The following E2F1 variants were observed in gnomAD, a reference collection of about 807,000 sequenced individuals.
E2F1 encodes the protein transcription factor E2F1.
In E2F1, 7 loss-of-function variants were observed where a neutral mutation model predicts 36.9. That is an observed-to-expected ratio of 0.19 (90% CI 0.11 to 0.36). E2F1 has a LOEUF of 0.36. Ranked by LOEUF, E2F1 falls within the 10% of genes least tolerant of loss-of-function variation. E2F1 has a pLI of 1.00. For synonymous variants in E2F1, 261 were observed against 263.1 expected, an observed-to-expected ratio of 0.99 and a Z score of 0.08; for missense variants, 406 against 573.6, an observed-to-expected ratio of 0.71 and a Z score of 2.99.
At chr20:33,681,278 A>G (rs920815029) in intron 1 of E2F1, among the ~76,000 whole-genome samples, 2 of 152,094 alleles carry the variant, frequency 1.3e-5, no homozygotes, top group Non-Finnish European at 2.9e-5. Flanking sequence ...GGCTCAAGCA[A>G]TTCTCCCATC....
In E2F1 at chr20:33,686,176, G is replaced by T; in HGVS notation, c.89C>A (p.Ser30Tyr). 1 of 1,052,066 alleles carries T rather than the reference G, an allele frequency of 9.5e-7. No individual in the cohort carries two copies. The highest frequency in any genetic ancestry group is 1.1e-6 in the Non-Finnish European group (1 of 874,286). The allele number at this position is 1,052,066 out of a possible 1,614,324, so 65.2% of individuals were successfully genotyped here. A position where few individuals can be genotyped will look rare whatever the true frequency, so the allele number is the denominator to read the frequency against. ...LGAGALRLLDSSQIVIISAAQ... is the reference protein window; with the variant it reads ...LGAGALRLLDYSQIVIISAAQ... ...GGCGGAGATGATGACGATCTGCGAG[G>T]AGTCGAGCAGCCGCAGCGCGCCGGC... Residue 30 changes from serine (S) to tyrosine (Y), a missense_variant, in exon 1 of 7, where the codon TCC becomes TAC. Physicochemically the swap from Ser to Tyr is moderately radical, Grantham distance 144 (BLOSUM62 -2). Transcript: ENST00000343380.
intron 1 of E2F1, among the ~76,000 whole-genome samples, chr20:33,684,051 G>A (rs1354954849): frequency 6.6e-6 from 1 of 152,206 alleles, no homozygotes; most frequent in African/African-American, 2.4e-5. Context: ...TGGCCCTTAA[G>A]TACACTGGGG....
chr20:33,677,059 C>T lies in E2F1; in HGVS notation c.1066+46G>A, dbSNP rs747336438. On this transcript the variant is annotated intron_variant, in intron 6 of 6. Transcript: ENST00000343380. ...GGGGCTGTCGTGCCTGCCCACCCCC[C>T]AGAAGAGGGGCCCTGCCCCACCCCA... 9 of 1,578,894 alleles carry T rather than the reference C, an allele frequency of 5.7e-6. No individual in the cohort carries two copies. The South Asian group carries it at 5.9e-5, about 10-fold the overall frequency.
rs750490421 is a variant in E2F1 at position 33,676,066 on chromosome 20, A to C, written c.*666T>G. The C allele has an allele frequency of 6.6e-6, 1 of 152,404 alleles. No individual in the cohort carries two copies. Among genetic ancestry groups the C allele is most frequent in the Non-Finnish European group, 1.5e-5 (1 of 68,140 alleles). The allele number at this position is 152,404 out of a possible 1,614,324, so 9.4% of individuals were successfully genotyped here. A position where few individuals can be genotyped will look rare whatever the true frequency, so the allele number is the denominator to read the frequency against. ...TATGGGGCAGAAGAACAGCTCAGGG[A>C]CCCCTGCCCTTGCTCAAGGGTAGAG... On this transcript the variant is annotated 3_prime_UTR_variant, in exon 7 of 7. Coordinates refer to ENST00000343380, the MANE Select transcript of E2F1 (RefSeq NM_005225.3).
Position 33,676,531 on chromosome 20 carries a change from CCACA to C in E2F1, c.*197_*200del. ...GGTGTAGGCTGCATGCACATACACA[CCACA>C]CAGACTCCTTCCCTTCCTGGCTTGC... is the stretch of plus-strand genomic sequence containing the variant. On this transcript the variant is annotated 3_prime_UTR_variant, in exon 7 of 7. Coordinates refer to ENST00000343380, the MANE Select transcript of E2F1 (RefSeq NM_005225.3). 1 of 701,044 alleles carries C rather than the reference CCACA, an allele frequency of 1.4e-6. No individual in the cohort carries two copies. 43.4% of individuals were successfully genotyped at this position (701,044 alleles called of 1,614,324 possible).
chr20:33,677,552 C>G lies in E2F1; in HGVS notation c.726-12G>C. On this transcript the variant is annotated splice_polypyrimidine_tract_variant and intron_variant, in intron 4 of 6. Coordinates refer to ENST00000343380, the MANE Select transcript of E2F1 (RefSeq NM_005225.3). ...TCACGTAGGCCAGGGTTGGCAGAGT[C>G]AAGGACCACATGACCTTTGACTTCT... is the stretch of plus-strand genomic sequence containing the variant. 2 of 1,608,486 alleles carry G rather than the reference C, an allele frequency of 1.2e-6. No homozygotes were observed. The highest frequency in any genetic ancestry group is 2.2e-5 in the East Asian group (1 of 44,866).
In E2F1 at chr20:33,679,985, G is replaced by C; in HGVS notation, c.353-11C>G. 1 of 1,606,566 alleles carries C rather than the reference G, an allele frequency of 6.2e-7. No homozygotes were observed. On this transcript the variant is annotated splice_polypyrimidine_tract_variant and intron_variant, in intron 2 of 6. Coordinates refer to ENST00000343380, the MANE Select transcript of E2F1 (RefSeq NM_005225.3). This position sits in a 1 kb window ranked among gnomAD's most constrained non-coding sequence, Gnocchi z 4.6. ...CCGGGGATTTCACACCTGTGGGGGT[G>C]TGGTCAGGCAAGACAGGGCCCTTCA...
intron 3 of E2F1, among the ~76,000 whole-genome samples, chr20:33,678,636 T>C (rs534602259): frequency 6.6e-6 from 1 of 152,058 alleles, no homozygotes; most frequent in South Asian, 2.1e-4. Context: ...CACACATGCA[T>C]TTCCAAGACA....
At chr20:33,685,538 C>T (rs1175297070) in intron 1 of E2F1, among the ~76,000 whole-genome samples, 1 of 152,176 alleles carries the variant, frequency 6.6e-6, no homozygotes, top group Non-Finnish European at 1.5e-5. Context: ...GCCAGCAGGC[C>T]TCAGTTCAAA....
Position 33,679,415 on chromosome 20 carries a change from G to T in E2F1, c.572+340C>A, listed in dbSNP as rs2017998473. On this transcript the variant is annotated intron_variant, in intron 3 of 6. Coordinates refer to ENST00000343380, the MANE Select transcript of E2F1 (RefSeq NM_005225.3). The surrounding 1 kb of genome is among the most constrained non-coding windows in gnomAD (Gnocchi z 4.6). ...AAAAAGTAGCTGGGCATGGTGGCAGGCGCCTGTATCCCCAGCTATTCAGGA... is the reference window on the plus strand; with the variant it reads ...AAAAAGTAGCTGGGCATGGTGGCAGTCGCCTGTATCCCCAGCTATTCAGGA... Among the ~76,000 whole-genome samples the T allele has an allele frequency of 6.6e-6, 1 of 152,160 alleles. No homozygotes were observed. Among genetic ancestry groups the T allele is most frequent in the Admixed American group, 6.5e-5 (1 of 15,276 alleles).
chr20:33,681,675 A>G (rs1055204901), intron 1 of E2F1, among the ~76,000 whole-genome samples: 2 of 152,056 alleles, frequency 1.3e-5, no homozygotes, highest in Non-Finnish European at 2.9e-5. Flanking sequence ...AACCAGACTG[A>G]TCTTCCCCTC....
At chr20:33,678,473 G>A in intron 3 of E2F1, 120 bp from the exon 4 acceptor site, 1 of 1,310,090 alleles carries the variant, frequency 7.6e-7, no homozygotes, top group Non-Finnish European at 1.0e-6. Context: ...GCAAGCCCTT[G>A]CTTCTGTCTG....
rs897107396 is a variant in E2F1 at position 33,676,759 on chromosome 20, A to G, written c.1287T>C (p.Phe429=). 1 of 1,609,440 alleles carries G rather than the reference A, an allele frequency of 6.2e-7. No individual in the cohort carries two copies. Among genetic ancestry groups the G allele is most frequent in the African/African-American group, 1.3e-5 (1 of 74,830 alleles). ...AGAAATCCAGGGGGGTGAGGTCCCC[A>G]AAGTCACAGTCGAAGAGGTCTCTGA... ...EGIRDLFDCD[F]GDLTPLDF The change falls in exon 7 of 7, where the codon TTT becomes TTC. Residue 429 remains phenylalanine (F), a synonymous_variant. Transcript: ENST00000343380.
Position 33,676,792 on chromosome 20 carries a change from G to A in E2F1, c.1254C>T (p.Gly418=), listed in dbSNP as rs769138235. 8.7e-6 allele frequency: 14 copies of A among 1,604,766 alleles called. No homozygotes were observed. The African/African-American group carries it at 9.4e-5, about 11-fold the overall frequency. ...ALDYHFGLEE[G]EGIRDLFDCD... ...AGTCGAAGAGGTCTCTGATGCCCTC[G>A]CCCTCCTCGAGGCCGAAGTGGTAGT... Residue 418 remains glycine (G), a synonymous_variant, in exon 7 of 7, where the codon GGC becomes GGT. Transcript: ENST00000343380.
chr20:33,680,589 C>T (rs1448507074), intron 1 of E2F1, among the ~76,000 whole-genome samples, 173 bp from the exon 2 acceptor site: 1 of 152,172 alleles, frequency 6.6e-6, no homozygotes, highest in Non-Finnish European at 1.5e-5. Context: ...TCCTACCACA[C>T]AGGACATTCC....
Position 33,676,946 on chromosome 20 carries a change from G to A in E2F1, c.1100C>T (p.Ala367Val). 1 of 1,563,244 alleles carries A rather than the reference G, an allele frequency of 6.4e-7. No individual in the cohort carries two copies. The highest frequency in any genetic ancestry group is 1.7e-4 in the Middle Eastern group (1 of 5,968). The change falls in exon 7 of 7, where the codon GCT becomes GTT. Residue 367 changes from alanine (A) to valine (V), a missense_variant. By Grantham distance (64) the Ala-to-Val change is moderately conservative. Transcript: ENST00000343380. Reference protein sequence around the residue: ...PLLSRMGSLRAPVDEDRLSPL... With the variant: ...PLLSRMGSLRVPVDEDRLSPL... ...GGACAGGCGGTCCTCGTCCACGGGAGCCCGCAGGCTGCCCATCCGGGACAA... is the reference window on the plus strand; with the variant it reads ...GGACAGGCGGTCCTCGTCCACGGGAACCCGCAGGCTGCCCATCCGGGACAA...
intron 1 of E2F1, among the ~76,000 whole-genome samples, chr20:33,680,978 A>T (rs944203121): frequency 2.6e-5 from 4 of 152,244 alleles, no homozygotes; most frequent in Non-Finnish European, 5.9e-5. Flanking sequence ...GAGCTGGATA[A>T]GTCTTCCCTG....
In E2F1 at chr20:33,686,166, G is replaced by T. The variant is rs903206573; in HGVS notation, c.99C>A (p.Ile33=). The change falls in exon 1 of 7, where the codon ATC becomes ATA. Residue 33 remains isoleucine, a synonymous_variant. Transcript: ENST00000343380. ...CGTCCTGCGCGGCGGAGATGATGAC[G>T]ATCTGCGAGGAGTCGAGCAGCCGCA... The part of the protein sequence containing the change: ...GALRLLDSSQ[I]VIISAAQDAS... The T allele has an allele frequency of 3.8e-6, 4 of 1,056,782 alleles. No individual in the cohort carries two copies. The South Asian group carries it at 1.6e-4, about 42-fold the overall frequency. The allele number at this position is 1,056,782 out of a possible 1,614,324, so 65.5% of individuals were successfully genotyped here.
chr20:33,677,965 T>C (rs1023073944), intron 4 of E2F1, among the ~76,000 whole-genome samples: 1 of 152,208 alleles, frequency 6.6e-6, no homozygotes, highest in African/African-American at 2.4e-5. Context: ...TAGCCACTTT[T>C]CTTTTTTAAT....
Sources: allele counts gnomAD v4.1 joint callset (sites outside exome capture counted in the v4.1 genomes callset), GRCh38; gene constraint gnomAD v4.1.1; non-coding constraint Gnocchi (gnomAD v3.1); transcripts MANE v1.5; gene names NCBI Gene and HGNC (gene_info 2026-07-23, HGNC 2026-07-21).